PHF14: variants seen among roughly 807,000 people sequenced by gnomAD.
The protein encoded by PHF14 is PHD finger protein 14.
A neutral mutation model predicts 117.9 loss-of-function variants in PHF14; 55 were observed. The observed-to-expected ratio is 0.47, with a 90% CI of 0.38 to 0.58. PHF14 has a LOEUF of 0.58. PHF14 is among the 20% of genes least tolerant of loss of function. PHF14 has a pLI of 0.00. For missense variants in PHF14, 978 were observed against 1,122.2 expected (o/e 0.87, Z 1.84); for synonymous variants, 409 against 368.6 (o/e 1.11, Z -1.26).
At chr7:11,077,599 TAAAAAAAAAAAA>T (rs10658162) in intron 16 of PHF14, among the ~76,000 whole-genome samples, 1 of 105,064 alleles carries the variant, frequency 9.5e-6, no homozygotes, top group Non-Finnish European at 1.8e-5. Flanking sequence ...GACTCTGTCT[TAAAAAAAAAAAA>T]AAAAAAAAAA....
intron 14 of PHF14, among the ~76,000 whole-genome samples, chr7:11,057,882 A>AG (rs1480879238): frequency 6.6e-6 from 1 of 151,936 alleles, no homozygotes; most frequent in Non-Finnish European, 1.5e-5. Flanking sequence ...TTCTTAAAAA[A>AG]AAGAAAAACA....
chr7:10,991,759 A>ATTTTTTTTTTTT (rs71023881), intron 4 of PHF14, among the ~76,000 whole-genome samples: 1 of 111,042 alleles, frequency 9.0e-6, no homozygotes, highest in Admixed American at 1.1e-4. Context: ...TAATTTTTTA[A>ATTTTTTTTTTTT]TTTTTTTTTT....
At chr7:11,104,628 C>G in intron 16 of PHF14, 3 of 982,688 alleles carry the variant, frequency 3.1e-6, no homozygotes, top group Non-Finnish European at 3.6e-6. Flanking sequence ...CTCTGAAATA[C>G]AGGAAGAATG....
At chr7:11,152,748 T>C (rs1276172853) in intron 17 of PHF14, among the ~76,000 whole-genome samples, 4 of 152,158 alleles carry the variant, frequency 2.6e-5, no homozygotes, top group Non-Finnish European at 5.9e-5. Flanking sequence ...TTTATTGTAA[T>C]AAATGTTATG....
intron 17 of PHF14, among the ~76,000 whole-genome samples, chr7:11,127,522 G>A (rs750745923): frequency 3.9e-5 from 6 of 152,040 alleles, no homozygotes; most frequent in African/African-American, 9.7e-5. Context: ...CTGCAGCCAT[G>A]CATCTTTGCT....
chr7:11,127,966 C>CT (rs1787974108), intron 17 of PHF14, among the ~76,000 whole-genome samples: 1 of 151,946 alleles, frequency 6.6e-6, no homozygotes, highest in Non-Finnish European at 1.5e-5. Flanking sequence ...CTCTCAAGAC[C>CT]TCCAGGCCAC....
chr7:11,062,773 C>G (rs1438164723), intron 16 of PHF14: 3 of 985,106 alleles, frequency 3.0e-6, no homozygotes, highest in Non-Finnish European at 3.6e-6. Context: ...GATCAAAGCT[C>G]TGGTGAGATG....
At chr7:11,147,439 C>T (rs1455097395) in intron 17 of PHF14, among the ~76,000 whole-genome samples, 1 of 152,102 alleles carries the variant, frequency 6.6e-6, no homozygotes, top group Non-Finnish European at 1.5e-5. Context: ...ATCTCTCAGT[C>T]CCTCTTTAAG....
At chr7:11,079,418 A>C (rs1785991060) in intron 16 of PHF14, among the ~76,000 whole-genome samples, 1 of 152,162 alleles carries the variant, frequency 6.6e-6, no homozygotes, top group South Asian at 2.1e-4. Flanking sequence ...AACCTAGAGG[A>C]AAAAGCCATT....
chr7:11,044,378 G>C (rs1223405719), intron 13 of PHF14, among the ~76,000 whole-genome samples: 2 of 152,070 alleles, frequency 1.3e-5, no homozygotes, highest in African/African-American at 4.8e-5. Flanking sequence ...TTTAGTGAGA[G>C]CACTTCTAAA....
chr7:11,140,015 A>T (rs1788353144), intron 17 of PHF14, among the ~76,000 whole-genome samples: 2 of 152,158 alleles, frequency 1.3e-5, no homozygotes, highest in Admixed American at 1.3e-4. Context: ...AACTCACAGT[A>T]AGAAATACAT....
intron 16 of PHF14, chr7:11,104,974 A>G (rs1425450290): frequency 5.0e-5 from 46 of 919,108 alleles, no homozygotes; most frequent in Admixed American, 6.2e-5. Context: ...CTCTAGATAA[A>G]AGAATTAGTA....
At chr7:11,077,948 CTG>C (rs994528189) in intron 16 of PHF14, among the ~76,000 whole-genome samples, 4 of 152,178 alleles carry the variant, frequency 2.6e-5, no homozygotes, top group African/African-American at 4.8e-5. Flanking sequence ...GTGCATGAAA[CTG>C]AGGCTTAAAT....
chr7:11,027,442 T>C (rs1484085583), intron 6 of PHF14, among the ~76,000 whole-genome samples: 1 of 152,188 alleles, frequency 6.6e-6, no homozygotes, highest in Non-Finnish European at 1.5e-5. Flanking sequence ...TGTCAGTCTT[T>C]CATAATTTAA....
chr7:11,007,634 A>G (rs1346913115), intron 4 of PHF14, among the ~76,000 whole-genome samples: 3 of 152,208 alleles, frequency 2.0e-5, no homozygotes, highest in Non-Finnish European at 4.4e-5. Flanking sequence ...GAACTTCATG[A>G]ATACTTTATT....
intron 13 of PHF14, among the ~76,000 whole-genome samples, chr7:11,048,731 A>C (rs1410106311): frequency 1.3e-5 from 2 of 152,224 alleles, no homozygotes; most frequent in South Asian, 4.1e-4. Context: ...ATAGTGTTTA[A>C]TAGATTGTTG....
At chr7:11,066,926 C>G (rs1785441698) in intron 16 of PHF14, among the ~76,000 whole-genome samples, 1 of 152,032 alleles carries the variant, frequency 6.6e-6, no homozygotes, top group African/African-American at 2.4e-5. Context: ...GACATAACAC[C>G]AAAAGCATAG....
At chr7:10,987,992 G>A (rs1372294571) in intron 3 of PHF14, among the ~76,000 whole-genome samples, 1 of 131,300 alleles carries the variant, frequency 7.6e-6, no homozygotes, top group East Asian at 2.2e-4. Flanking sequence ...CTCCAGCCTG[G>A]GCAACAAGAG....
At chr7:11,080,707 C>G (rs1364613208) in intron 16 of PHF14, among the ~76,000 whole-genome samples, 2 of 152,134 alleles carry the variant, frequency 1.3e-5, no homozygotes, top group Non-Finnish European at 2.9e-5. Context: ...TCAGGACATT[C>G]TGCAGTGCGG....
Sources: allele counts gnomAD v4.1 joint callset (sites outside exome capture counted in the v4.1 genomes callset), GRCh38; gene constraint gnomAD v4.1.1; transcripts MANE v1.5; gene names NCBI Gene and HGNC (gene_info 2026-07-23, HGNC 2026-07-21).